The following FGF14 variants were observed in gnomAD, a reference collection of about 807,000 sequenced individuals.
FGF14 encodes fibroblast growth factor 14.
A neutral mutation model predicts 25.5 loss-of-function variants in FGF14; 5 were observed. That is an observed-to-expected ratio of 0.20 (90% CI 0.10 to 0.41). The LOEUF (loss-of-function observed/expected upper bound fraction) is 0.41, where lower values mean the gene tolerates loss of function less well. Ranked by LOEUF, FGF14 falls within the 10% of genes least tolerant of loss-of-function variation. The probability of loss-of-function intolerance (pLI) is 1.00; values close to 1 mark genes in which losing one functional copy is unlikely to be tolerated. For missense variants in FGF14, 222 were observed against 320.1 expected (o/e 0.69, Z 2.34); for synonymous variants, 138 against 118.3 (o/e 1.17, Z -1.08).
chr13:101,910,477 C>T (rs998816983), intron 1 of FGF14, among the ~76,000 whole-genome samples: 5 of 151,940 alleles, frequency 3.3e-5, no homozygotes, highest in Admixed American at 1.3e-4. Context: ...ATGGTGATGC[C>T]GTATGGGTTC....
intron 1 of FGF14, among the ~76,000 whole-genome samples, chr13:102,341,112 G>A (rs541913628): frequency 6.6e-6 from 1 of 151,938 alleles, no homozygotes; most frequent in African/African-American, 2.4e-5. Flanking sequence ...TAAAAGGGGG[G>A]AAAAAAGACT....
intron 1 of FGF14, among the ~76,000 whole-genome samples, chr13:102,006,557 T>A (rs2139771619): frequency 6.6e-6 from 1 of 152,168 alleles, no homozygotes; most frequent in Admixed American, 6.5e-5. Flanking sequence ...TCCTGACCTT[T>A]TTTTAAAAGG....
chr13:102,368,896 G>T (rs1209546731), intron 1 of FGF14, among the ~76,000 whole-genome samples: 1 of 152,128 alleles, frequency 6.6e-6, no homozygotes, highest in African/African-American at 2.4e-5. Flanking sequence ...AAGTATAATG[G>T]ATCCTTTGGA....
intron 3 of FGF14, among the ~76,000 whole-genome samples, chr13:101,839,117 T>C (rs886109132): frequency 2.6e-5 from 4 of 152,098 alleles, no homozygotes; most frequent in Non-Finnish European, 5.9e-5. Flanking sequence ...ATAATACAAA[T>C]GGTGTGTCTC....
chr13:101,951,004 GGGTTTTT>G (rs895020737), intron 1 of FGF14, among the ~76,000 whole-genome samples: 35 of 152,016 alleles, frequency 2.3e-4, no homozygotes, highest in African/African-American at 7.0e-4. Context: ...AATCTCTGTT[GGGTTTTT>G]GGTTTTTGGG....
intron 1 of FGF14, among the ~76,000 whole-genome samples, chr13:102,335,928 C>A (rs995075153): frequency 1.6e-4 from 24 of 152,152 alleles, no homozygotes; most frequent in African/African-American, 4.3e-4. Context: ...CCATGTAAGA[C>A]CGTGAACTTC....
At chr13:102,238,739 A>G (rs1176746166) in intron 1 of FGF14, among the ~76,000 whole-genome samples, 1 of 152,208 alleles carries the variant, frequency 6.6e-6, no homozygotes, top group Non-Finnish European at 1.5e-5. Flanking sequence ...AGACTTATTA[A>G]TGTAATTAGT....
chr13:102,065,000 A>G (rs2042842909), intron 1 of FGF14, among the ~76,000 whole-genome samples: 1 of 152,024 alleles, frequency 6.6e-6, no homozygotes, highest in Non-Finnish European at 1.5e-5. Flanking sequence ...CATAAATATC[A>G]GATATATAAT....
At chr13:102,149,269 CTT>C (rs1224747485) in intron 1 of FGF14, among the ~76,000 whole-genome samples, 1 of 152,048 alleles carries the variant, frequency 6.6e-6, no homozygotes, top group African/African-American at 2.4e-5. Context: ...AATGGCCTCT[CTT>C]ATGGCGAATT....
chr13:102,133,269 T>C, intron 1 of FGF14, among the ~76,000 whole-genome samples: 1 of 152,224 alleles, frequency 6.6e-6, no homozygotes. Flanking sequence ...CAATTTAGAA[T>C]AATCTGATCA....
At chr13:101,819,448 G>A (rs937069203) in intron 3 of FGF14, among the ~76,000 whole-genome samples, 5 of 152,196 alleles carry the variant, frequency 3.3e-5, no homozygotes, top group Admixed American at 1.3e-4. Flanking sequence ...GACTCAATGT[G>A]AATAGGAGAG....
At chr13:102,277,445 C>T (rs560517053) in intron 1 of FGF14, among the ~76,000 whole-genome samples, 72 of 152,334 alleles carry the variant, frequency 4.7e-4, no homozygotes, top group Non-Finnish European at 5.0e-4. Context: ...GGCCCCACCG[C>T]GTGCCCACTG....
At chr13:102,205,315 T>C (rs977851799) in intron 1 of FGF14, among the ~76,000 whole-genome samples, 2 of 152,122 alleles carry the variant, frequency 1.3e-5, no homozygotes, top group Non-Finnish European at 2.9e-5. Flanking sequence ...CTAAATGAGA[T>C]GATGCACATG....
chr13:101,922,830 G>C (rs1594740499), intron 1 of FGF14, among the ~76,000 whole-genome samples: 1 of 150,250 alleles, frequency 6.7e-6, no homozygotes, highest in Admixed American at 6.6e-5. Context: ...AAAAGTGCCT[G>C]GATTTTGTTT....
At chr13:101,955,312 G>C (rs2036446810) in intron 1 of FGF14, among the ~76,000 whole-genome samples, 1 of 152,230 alleles carries the variant, frequency 6.6e-6, no homozygotes, top group African/African-American at 2.4e-5. Flanking sequence ...ATTGGGTTTA[G>C]CTTCTAATGT....
chr13:102,336,718 A>C (rs2056798389), intron 1 of FGF14, among the ~76,000 whole-genome samples: 1 of 152,184 alleles, frequency 6.6e-6, no homozygotes, highest in South Asian at 2.1e-4. Context: ...CTCAGCCAAG[A>C]GGGGCTGACT....
chr13:101,738,393 G>A (rs1362255858), intron 3 of FGF14, among the ~76,000 whole-genome samples: 1 of 152,168 alleles, frequency 6.6e-6, no homozygotes, highest in Admixed American at 6.6e-5. Context: ...TGAATTTGTG[G>A]AATACAAAGG....
At chr13:102,270,333 G>A (rs2053187807) in intron 1 of FGF14, among the ~76,000 whole-genome samples, 1 of 151,976 alleles carries the variant, frequency 6.6e-6, no homozygotes, top group African/African-American at 2.4e-5. Flanking sequence ...TGTATTGGAA[G>A]CATTTCCTAT....
chr13:102,254,581 C>G (rs1459569401), intron 1 of FGF14, among the ~76,000 whole-genome samples: 2 of 152,276 alleles, frequency 1.3e-5, no homozygotes, highest in East Asian at 3.9e-4. Context: ...TAAGGAAGAC[C>G]TACCACGTGG....
Sources: gnomAD v4.1 joint callset for allele counts (sites outside exome capture counted in the v4.1 genomes callset) on GRCh38, gnomAD v4.1.1 for gene constraint, MANE v1.5 for transcripts, NCBI Gene and HGNC (gene_info 2026-07-23, HGNC 2026-07-21) for gene names.